Variants in CLCNKA observed in about 807,000 individuals in gnomAD.
CLCNKA encodes the protein chloride voltage-gated channel Ka.
Under a neutral mutation model 83.3 loss-of-function variants are expected in CLCNKA, and 66 were observed. That is an observed-to-expected ratio of 0.79 (90% CI 0.65 to 0.97). The LOEUF (loss-of-function observed/expected upper bound fraction) is 0.97. Ranked by LOEUF, CLCNKA falls within the 50% of genes least tolerant of loss-of-function variation. The pLI, the probability that CLCNKA is intolerant of heterozygous loss-of-function variation, is 0.00. For missense variants in CLCNKA, 806 were observed against 888.7 expected (o/e 0.91, Z 1.18); for synonymous variants, 357 against 370.4 (o/e 0.96, Z 0.42).
Position 16,028,843 on chromosome 1 carries a change from CG to C in CLCNKA, c.1053+1del, listed in dbSNP as rs1557453161. ...TGGTGTGGGCCACTTCCTAGCTTCT[CG>C]GGTAAGGGGTCCTGAGCGGGGGTGG... ...PPGVGHFLAS[R>X]LSMKQHLDSL... On this transcript the variant is annotated frameshift_variant and splice_region_variant, in exon 11 of 20. Transcript: ENST00000331433. LOFTEE classifies it high-confidence loss of function. 2.5e-6 allele frequency: 4 copies of C among 1,614,032 alleles called. No homozygotes were observed. The highest frequency in any genetic ancestry group is 3.4e-6 in the Non-Finnish European group (4 of 1,179,994).
At position 16,029,623 on chromosome 1, in the gene CLCNKA, G is replaced by T. The variant is rs545787149; in HGVS notation, c.1228-108G>T. 7.3e-5 allele frequency: 103 copies of T among 1,415,146 alleles called. No individual in the cohort carries two copies. The East Asian group carries it at 2.3e-3, about 31-fold the overall frequency. The allele number at this position is 1,415,146 out of a possible 1,614,324, so 87.7% of individuals were successfully genotyped here. ...GACTCTGGCAGTGGGTGCATGGCTG[G>T]CACCCTCTTTCTATCTAGGACACTC... On this transcript the variant is annotated intron_variant, in intron 12 of 19. Coordinates refer to ENST00000331433, the MANE Select transcript of CLCNKA (RefSeq NM_004070.4).
rs539410328 is a variant in CLCNKA at position 16,033,963 on chromosome 1, A to T, written c.*305A>T. 6.5e-6 allele frequency: 3 copies of T among 461,634 alleles called. No homozygotes were observed. The highest frequency in any genetic ancestry group is 2.7e-5 in the Admixed American group (1 of 37,128). The allele number at this position is 461,634 out of a possible 1,614,324, so 28.6% of individuals were successfully genotyped here. The stretch of plus-strand genomic sequence containing the variant: ...TTAATGAATGACGAGATTGGAGTAC[A>T]CTGTCACCAAGGGCAGGCAAAGATG... On this transcript the variant is annotated 3_prime_UTR_variant, in exon 20 of 20. Coordinates refer to ENST00000331433, the MANE Select transcript of CLCNKA (RefSeq NM_004070.4).
chr1:16,030,292 C>T lies in CLCNKA; in HGVS notation c.1409-169C>T, dbSNP rs566462830. 7.9e-5 allele frequency among the ~76,000 whole-genome samples: 12 copies of T among 152,340 alleles called. No individual in the cohort carries two copies. The East Asian group carries it at 2.3e-3, about 29-fold the overall frequency. On this transcript the variant is annotated intron_variant, in intron 14 of 19. Coordinates refer to ENST00000331433, the MANE Select transcript of CLCNKA (RefSeq NM_004070.4). The stretch of plus-strand genomic sequence containing the variant: ...CCCAGCCCTGCGGCCTCCCTTATCC[C>T]TCTCCTCTCACCAAGCCCAGGCCTT...
At chr1:16,027,187 T>C in intron 7 of CLCNKA, 123 bp from the exon 8 acceptor site, 2 of 1,422,350 alleles carry the variant, frequency 1.4e-6, no homozygotes, top group Non-Finnish European at 9.8e-7. Context: ...CTTCTGTCTG[T>C]CCCTGTCCGG....
chr1:16,031,685 C>T, intron 15 of CLCNKA, 25 bp from the exon 16 acceptor site: 1 of 1,613,466 alleles, frequency 6.2e-7, no homozygotes, highest in Non-Finnish European at 8.5e-7. Context: ...ACTCCGGGAC[C>T]TGATGGGAGC....
intron 15 of CLCNKA, 79 bp downstream of exon 15, chr1:16,030,753 A>T: frequency 6.3e-7 from 1 of 1,577,042 alleles, no homozygotes. Context: ...CACCTCCAAA[A>T]AGAAACACCA....
At chr1:16,033,105 A>C (rs2022700527) in intron 18 of CLCNKA, 65 bp from the exon 19 acceptor site, 1 of 1,521,570 alleles carries the variant, frequency 6.6e-7, no homozygotes, top group African/African-American at 1.4e-5. Flanking sequence ...GGCGTGGCAG[A>C]GTGGGCCAGA....
At position 16,032,244 on chromosome 1, in the gene CLCNKA, G is replaced by T. The variant is rs1432574040; in HGVS notation, c.1798G>T (p.Val600Leu). 1 of 1,612,644 alleles carries T rather than the reference G, an allele frequency of 6.2e-7. No homozygotes were observed. Among genetic ancestry groups the T allele is most frequent in the South Asian group, 1.1e-5 (1 of 91,068 alleles). The stretch of plus-strand genomic sequence containing the variant: ...AGGCATCGTGCAGAGGGCCCAGCTG[G>T]TGCAGGCCCTCCAGGCTGAGCCTCC... ...LVGIVQRAQL[V>L]QALQAEPPSR... The change falls in exon 17 of 20, where the codon GTG (valine) becomes TTG (leucine). Residue 600 changes from valine to leucine, a missense_variant. Transcript: ENST00000331433.
chr1:16,029,760 C>A lies in CLCNKA; in HGVS notation c.1257C>A (p.Ile419=). Residue 419 remains isoleucine, a synonymous_variant, in exon 13 of 20, where the codon ATC becomes ATA. Transcript: ENST00000331433. ...GGATGCTGATTCTGGCCACCACCATCCCCATGCCTGCCGGGTACTTCATGC... is the reference window on the plus strand; with the variant it reads ...GGATGCTGATTCTGGCCACCACCATACCCATGCCTGCCGGGTACTTCATGC... ...KFWMLILATT[I]PMPAGYFMPI... The A allele has an allele frequency of 6.2e-7, 1 of 1,614,216 alleles. No homozygotes were observed. Among genetic ancestry groups the A allele is most frequent in the Non-Finnish European group, 8.5e-7 (1 of 1,180,040 alleles).
intron 19 of CLCNKA, 42 bp downstream of exon 19, chr1:16,033,298 C>T (rs748416301): frequency 1.9e-6 from 3 of 1,601,424 alleles, no homozygotes; most frequent in Middle Eastern, 1.7e-4. Context: ...GGGACCCATG[C>T]CTGAGAAGGC....
intron 18 of CLCNKA, among the ~76,000 whole-genome samples, 191 bp downstream of exon 18, chr1:16,032,717 G>A (rs1429738758): frequency 6.6e-6 from 1 of 152,234 alleles, no homozygotes; most frequent in African/African-American, 2.4e-5. Flanking sequence ...ATGATGCAGA[G>A]AGATGAGGGA....
At chr1:16,028,629 C>T (rs775591206) in intron 10 of CLCNKA, 132 bp from the exon 11 acceptor site, 69 of 1,150,100 alleles carry the variant, frequency 6.0e-5, no homozygotes, top group Middle Eastern at 5.7e-4. Context: ...CGCCCTTCCT[C>T]CTCACCAGTC....
Position 16,029,137 on chromosome 1 carries a change from G to A in CLCNKA, c.1065G>A (p.Lys355=), listed in dbSNP as rs1222962093. 2.5e-6 allele frequency: 4 copies of A among 1,611,440 alleles called. No individual in the cohort carries two copies. Among genetic ancestry groups the A allele is most frequent in the Non-Finnish European group, 3.4e-6 (4 of 1,179,830 alleles). Residue 355 remains lysine, a synonymous_variant, in exon 12 of 20, where the codon AAG becomes AAA. Coordinates refer to ENST00000331433, the MANE Select transcript of CLCNKA (RefSeq NM_004070.4). ...CTGCCCCGCCACAGCTGTCCATGAA[G>A]CAGCATCTGGACTCGCTGTTCGACA... is the stretch of plus-strand genomic sequence containing the variant. ...GHFLASRLSM[K]QHLDSLFDNH... is the part of the protein sequence containing the mutation.
Position 16,022,726 on chromosome 1 carries a change from G to A in CLCNKA, c.100+7G>A, listed in dbSNP as rs1460024761. 1 of 1,520,684 alleles carries A rather than the reference G, an allele frequency of 6.6e-7. No individual in the cohort carries two copies. The highest frequency in any genetic ancestry group is 8.8e-7 in the Non-Finnish European group (1 of 1,130,262). 94.2% of individuals were successfully genotyped at this position (1,520,684 alleles called of 1,614,324 possible). On this transcript the variant is annotated splice_region_variant and intron_variant, in intron 2 of 19. Coordinates refer to ENST00000331433, the MANE Select transcript of CLCNKA (RefSeq NM_004070.4). ...ATCCGCCGAGCCATCCAAGGTGAGA[G>A]CCAGGTCCTCTTCCCTACCCGCGGG...
intron 18 of CLCNKA, among the ~76,000 whole-genome samples, chr1:16,032,804 A>G (rs567534031): frequency 1.7e-4 from 26 of 152,302 alleles, no homozygotes; most frequent in Non-Finnish European, 2.1e-4. Context: ...GTGCGTTTCA[A>G]TTTCAGGTCC....
chr1:16,032,871 T>C (rs1215567663), intron 18 of CLCNKA, among the ~76,000 whole-genome samples: 1 of 152,194 alleles, frequency 6.6e-6, no homozygotes, highest in Non-Finnish European at 1.5e-5. Flanking sequence ...AGACAGAGCC[T>C]GACACAAGGA....
rs757979867 is a variant in CLCNKA, at chr1:16,033,221, C to A, written c.1981C>A (p.Arg661=). The part of the protein sequence containing the change: ...LNLQSLFVTS[R]GRAVGCVSWV... The stretch of plus-strand genomic sequence containing the variant: ...CCTTCAGTCCCTCTTCGTGACATCG[C>A]GGGGCAGAGCTGTGGGCTGCGTGTC... The change falls in exon 19 of 20, where the codon CGG becomes AGG. Residue 661 remains arginine, a synonymous_variant. Coordinates refer to ENST00000331433, the MANE Select transcript of CLCNKA (RefSeq NM_004070.4). 5.0e-6 allele frequency: 8 copies of A among 1,614,026 alleles called. No homozygotes were observed. The East Asian group carries it at 6.7e-5, about 13-fold the overall frequency.
rs371179594 is a variant in CLCNKA, at chr1:16,028,027, C to T, written c.876C>T (p.Cys292=). 2.1e-5 allele frequency: 34 copies of T among 1,613,736 alleles called. No homozygotes were observed. The Admixed American group carries it at 2.5e-4, about 12-fold the overall frequency. The part of the protein sequence containing the change: ...IFFFVALGGI[C]GVLSCAYLFC... ...TCCCTTCACCCCGCAGTGGCATCTG[C>T]GGCGTCCTGAGCTGTGCTTACCTCT... The change falls in exon 10 of 20, where the codon TGC becomes TGT. Residue 292 remains cysteine (C), a synonymous_variant. Transcript: ENST00000331433.
intron 15 of CLCNKA, among the ~76,000 whole-genome samples, chr1:16,030,909 C>T (rs1475403734): frequency 2.0e-5 from 3 of 152,224 alleles, no homozygotes; most frequent in African/African-American, 7.2e-5. Context: ...CTGGGCTTCA[C>T]AGCAGGAGGA....
Sources: gnomAD v4.1 joint callset for allele counts (sites outside exome capture counted in the v4.1 genomes callset) on GRCh38, gnomAD v4.1.1 for gene constraint, MANE v1.5 for transcripts, NCBI Gene and HGNC (gene_info 2026-07-23, HGNC 2026-07-21) for gene names.